The following WDR35 variants were observed in gnomAD, a reference collection of about 807,000 sequenced individuals.
WDR35 encodes WD repeat domain 35, also known as WD repeat-containing protein 35.
A neutral mutation model predicts 158.3 loss-of-function variants in WDR35; 118 were observed. The ratio of observed to expected loss-of-function variants is 0.75; its 90% CI spans 0.64 to 0.87. WDR35 has a LOEUF of 0.87. WDR35 is among the 40% of genes least tolerant of loss of function. The pLI is 0.00. For missense variants in WDR35, 1,263 were observed against 1,405.8 expected, an observed-to-expected ratio of 0.90 and a Z score of 1.62; for synonymous variants, 448 against 476.1, an observed-to-expected ratio of 0.94 and a Z score of 0.77.
rs1360721523 is a variant in WDR35 at position 19,989,202 on chromosome 2, A to G, written c.105T>C (p.Asp35=). Reference sequence around the variant, plus strand: ...CTAATTTCAAAACTTTCAGTAATCCATCTTCACCACCGCATGCTATGAACC... The same window carrying G: ...CTAATTTCAAAACTTTCAGTAATCCGTCTTCACCACCGCATGCTATGAACC... The part of the protein sequence containing the change: ...EQGFIACGGE[D]GLLKVLKLET... The change falls in exon 2 of 27, where the codon GAT becomes GAC. Residue 35 remains aspartate, a synonymous_variant. Coordinates refer to ENST00000281405, the MANE Select transcript of WDR35 (RefSeq NM_020779.4). 5 of 1,614,156 alleles carry G rather than the reference A, an allele frequency of 3.1e-6. No homozygotes were observed. Among genetic ancestry groups the G allele is most frequent in the Admixed American group, 1.7e-5 (1 of 60,016 alleles).
intron 4 of WDR35, among the ~76,000 whole-genome samples, chr2:19,980,170 G>T (rs184668104): frequency 5.8e-4 from 88 of 152,286 alleles, no homozygotes; most frequent in Non-Finnish European, 1.0e-3. Flanking sequence ...TATCTACTGA[G>T]ATAACTCTAG....
intron 17 of WDR35, among the ~76,000 whole-genome samples, chr2:19,939,527 T>C (rs980732252): frequency 6.6e-6 from 1 of 152,166 alleles, no homozygotes; most frequent in African/African-American, 2.4e-5. Flanking sequence ...GGTTATCTAA[T>C]TAAATTAACA....
chr2:19,961,299 G>C (rs535964641), intron 10 of WDR35, among the ~76,000 whole-genome samples: 1 of 152,280 alleles, frequency 6.6e-6, no homozygotes, highest in South Asian at 2.1e-4. Context: ...ATGTCAATTT[G>C]CAAGGAAAAA....
chr2:19,972,050 C>G (rs1672051275), intron 8 of WDR35, among the ~76,000 whole-genome samples: 1 of 152,204 alleles, frequency 6.6e-6, no homozygotes, highest in Non-Finnish European at 1.5e-5. Context: ...TCTGTTATCT[C>G]CTACCATGGC....
Position 19,934,318 on chromosome 2 carries a change from TATCA to T in WDR35, c.2548-811_2548-808del, listed in dbSNP as rs1417079751. ...GAAAAAGTGAAATTACTCATAATCTTATCATTCATAAGAAACCTCTCTCAATACT... is the reference window on the plus strand; with the variant it reads ...GAAAAAGTGAAATTACTCATAATCTTTTCATAAGAAACCTCTCTCAATACT... On this transcript the variant is annotated intron_variant, in intron 21 of 26. Transcript: ENST00000281405. This position sits in a 1 kb window ranked among gnomAD's most constrained non-coding sequence, Gnocchi z 4.6. Among the ~76,000 whole-genome samples the T allele has an allele frequency of 2.0e-5, 3 of 152,272 alleles. No individual in the cohort carries two copies. The highest frequency in any genetic ancestry group is 7.2e-5 in the African/African-American group (3 of 41,550).
At chr2:19,936,631 G>T (rs1309732757) in intron 19 of WDR35, among the ~76,000 whole-genome samples, 1 of 152,164 alleles carries the variant, frequency 6.6e-6, no homozygotes, top group Non-Finnish European at 1.5e-5. Context: ...TTTCTGGGAA[G>T]TCATTATGTC....
chr2:19,923,095 C>T (rs1179429199), intron 25 of WDR35, among the ~76,000 whole-genome samples: 1 of 152,218 alleles, frequency 6.6e-6, no homozygotes, highest in Non-Finnish European at 1.5e-5. Flanking sequence ...TAATGACTGG[C>T]TTGCTGTTAA....
rs372535372 is a variant in WDR35 at position 19,973,607 on chromosome 2, C to T, written c.838G>A (p.Asp280Asn). 1.2e-6 allele frequency: 2 copies of T among 1,614,026 alleles called. No homozygotes were observed. Among genetic ancestry groups the T allele is most frequent in the Non-Finnish European group, 1.7e-6 (2 of 1,180,032 alleles). ...VAGFQKAAMQ[D>N]KDVNIVQFYT... ...AACTGCACAATGTTCACATCTTTGT[C>T]CTGCATGGCTGCCTTCTGGAAGCCT... The change falls in exon 8 of 27, where the codon GAC becomes AAC. Residue 280 changes from aspartate to asparagine, a missense_variant. Physicochemically the swap from Asp to Asn is conservative, Grantham distance 23. Coordinates refer to ENST00000281405, the MANE Select transcript of WDR35 (RefSeq NM_020779.4).
intron 2 of WDR35, among the ~76,000 whole-genome samples, chr2:19,987,146 A>T (rs992771785): frequency 6.6e-6 from 1 of 152,228 alleles, no homozygotes; most frequent in Non-Finnish European, 1.5e-5. Context: ...CTGTACCCAA[A>T]CTACAACACA....
chr2:19,926,930 C>T (rs185178211), intron 25 of WDR35, among the ~76,000 whole-genome samples: 18 of 152,030 alleles, frequency 1.2e-4, no homozygotes, highest in Admixed American at 8.5e-4. Flanking sequence ...GCAGCCATTT[C>T]GAGACTGACA....
chr2:19,973,479 A>C, intron 8 of WDR35, 84 bp downstream of exon 8: 10 of 1,565,090 alleles, frequency 6.4e-6, no homozygotes, highest in East Asian at 2.2e-5. Flanking sequence ...ATAAGTTTAC[A>C]CCGTTTCCTT....
intron 14 of WDR35, among the ~76,000 whole-genome samples, chr2:19,947,035 G>C (rs531176102): frequency 6.6e-6 from 1 of 152,148 alleles, no homozygotes; most frequent in Admixed American, 6.5e-5. Flanking sequence ...TCTGATACTA[G>C]TTTTTAGCAA....
At position 19,969,655 on chromosome 2, in the gene WDR35, A is replaced by G. The variant is rs767585109; in HGVS notation, c.883-50T>C. 2.5e-6 allele frequency: 4 copies of G among 1,578,522 alleles called. No homozygotes were observed. The East Asian group carries it at 9.0e-5, about 35-fold the overall frequency. On this transcript the variant is annotated intron_variant, in intron 8 of 26. Transcript: ENST00000281405. ...CTAAAGTATAACAATTAACTGAAATACAAATTACCACCAATCACTTCACAG... is the reference window on the plus strand; with the variant it reads ...CTAAAGTATAACAATTAACTGAAATGCAAATTACCACCAATCACTTCACAG...
At chr2:19,931,163 G>A in intron 24 of WDR35, 106 bp downstream of exon 24, 1 of 1,275,608 alleles carries the variant, frequency 7.8e-7, no homozygotes, top group Middle Eastern at 2.5e-4. Flanking sequence ...AACAAATGCA[G>A]ACATGCAAAT....
In WDR35 at chr2:19,978,985, G is replaced by A; in HGVS notation, c.308-106C>T. 7 of 1,418,010 alleles carry A rather than the reference G, an allele frequency of 4.9e-6. No homozygotes were observed. The South Asian group carries it at 7.3e-5, about 15-fold the overall frequency. The allele number at this position is 1,418,010 out of a possible 1,614,324, so 87.8% of individuals were successfully genotyped here. On this transcript the variant is annotated intron_variant, in intron 4 of 26. Coordinates refer to ENST00000281405, the MANE Select transcript of WDR35 (RefSeq NM_020779.4). ...AAAGTACGCCATGGGACAAATAACT[G>A]CAAAGTTTTCTACAACCTGAGACAT...
Position 19,937,426 on chromosome 2 carries a change from A to T in WDR35, c.2267+317T>A, listed in dbSNP as rs374595501. On this transcript the variant is annotated intron_variant, in intron 19 of 26. Transcript: ENST00000281405. Reference sequence around the variant, plus strand: ...GGCCTAAACAAACAAAGAAAGAAAGAACTGGAATAATGAGCTATGTCTTAA... The same window carrying T: ...GGCCTAAACAAACAAAGAAAGAAAGTACTGGAATAATGAGCTATGTCTTAA... Among the ~76,000 whole-genome samples, 14 of 152,294 alleles carry T rather than the reference A, an allele frequency of 9.2e-5. No homozygotes were observed. The East Asian group carries it at 2.5e-3, about 27-fold the overall frequency.
At chr2:19,931,540 C>T (rs766235253) in intron 23 of WDR35, 131 bp from the exon 24 acceptor site, 1 of 960,314 alleles carries the variant, frequency 1.0e-6, no homozygotes, top group Non-Finnish European at 1.6e-6. Context: ...ATAAATATCA[C>T]CTATTTAAGA....
chr2:19,987,251 T>C (rs1052630492), intron 2 of WDR35, among the ~76,000 whole-genome samples: 1 of 152,242 alleles, frequency 6.6e-6, no homozygotes, highest in Non-Finnish European at 1.5e-5. Flanking sequence ...ATCTGCTGAA[T>C]CAACACTAGT....
At chr2:19,982,117 C>A (rs772928910) in intron 3 of WDR35, among the ~76,000 whole-genome samples, 6 of 152,126 alleles carry the variant, frequency 3.9e-5, no homozygotes, top group Non-Finnish European at 7.4e-5. Flanking sequence ...TACAACCATT[C>A]TGTTTTTCAC....
Sources: allele counts gnomAD v4.1 joint callset (sites outside exome capture counted in the v4.1 genomes callset), GRCh38; gene constraint gnomAD v4.1.1; non-coding constraint Gnocchi (gnomAD v3.1); transcripts MANE v1.5; gene names NCBI Gene and HGNC (gene_info 2026-07-23, HGNC 2026-07-21).